Variants in DLGAP2 observed in about 807,000 individuals in gnomAD.
The protein encoded by DLGAP2 is DLG associated protein 2, also known as disks large-associated protein 2.
DLGAP2 carries 26 observed loss-of-function variants against 100.3 expected under a neutral mutation model. The ratio of observed to expected loss-of-function variants is 0.26; its 90% CI spans 0.19 to 0.36. DLGAP2 has a LOEUF of 0.36. Ranked by LOEUF, DLGAP2 falls within the 10% of genes least tolerant of loss-of-function variation. DLGAP2 has a pLI of 1.00. For missense variants in DLGAP2, 1,858 were observed against 1,453.2 expected (o/e 1.28, Z -4.53); for synonymous variants, 886 against 630.1 (o/e 1.41, Z -6.08).
At chr8:1,284,238 A>G (rs1799877839) in intron 3 of DLGAP2, among the ~76,000 whole-genome samples, 1 of 152,160 alleles carries the variant, frequency 6.6e-6, no homozygotes, top group Non-Finnish European at 1.5e-5. Context: ...GCAGGCTTAC[A>G]TTTCCAGGAG....
At chr8:993,627 T>C (rs1800693043) in intron 2 of DLGAP2, among the ~76,000 whole-genome samples, 1 of 152,094 alleles carries the variant, frequency 6.6e-6, no homozygotes, top group Admixed American at 6.6e-5. Context: ...GTATCCTTTC[T>C]CCTGTATCAA....
intron 2 of DLGAP2, among the ~76,000 whole-genome samples, chr8:1,104,587 G>A (rs1025697553): frequency 3.3e-5 from 5 of 152,272 alleles, no homozygotes; most frequent in East Asian, 1.9e-4. Context: ...TAGCCTGGCC[G>A]AGGCGTTTGC....
At chr8:745,805 G>A (rs914830142) in intron 1 of DLGAP2, among the ~76,000 whole-genome samples, 8 of 152,156 alleles carry the variant, frequency 5.3e-5, no homozygotes, top group Middle Eastern at 3.2e-3. Flanking sequence ...TAAAGAGAAC[G>A]GACTATAAGA....
intron 2 of DLGAP2, among the ~76,000 whole-genome samples, chr8:994,717 AC>A (rs1375998301): frequency 6.6e-6 from 1 of 152,136 alleles, no homozygotes; most frequent in Non-Finnish European, 1.5e-5. Context: ...TCATCATATG[AC>A]TGCTGGGCAT....
chr8:1,683,964 A>G (rs777089554), intron 12 of DLGAP2, among the ~76,000 whole-genome samples: 11,182 of 107,882 alleles, frequency 0.1, 901 homozygotes, highest in South Asian at 0.19. Flanking sequence ...GTATATATAT[A>G]TATATATATA....
At chr8:822,602 C>A (rs955918494) in intron 1 of DLGAP2, among the ~76,000 whole-genome samples, 5 of 152,206 alleles carry the variant, frequency 3.3e-5, no homozygotes, top group Admixed American at 3.3e-4. Flanking sequence ...TGTGCATTCA[C>A]CAAGTGTACG....
At chr8:1,249,545 G>A (rs368030919) in intron 2 of DLGAP2, among the ~76,000 whole-genome samples, 24 of 152,242 alleles carry the variant, frequency 1.6e-4, no homozygotes, top group African/African-American at 3.4e-4. Context: ...TGTTAAAAAC[G>A]AAACTAGAAT....
chr8:1,575,467 A>ATTATTATTATTATTG (rs1802928014), intron 6 of DLGAP2, among the ~76,000 whole-genome samples: 1 of 148,170 alleles, frequency 6.7e-6, no homozygotes, highest in African/African-American at 2.5e-5. Context: ...TATTATTATT[A>ATTATTATTATTATTG]TTATTATTAT....
chr8:1,512,072 G>T (rs908367978), intron 4 of DLGAP2, among the ~76,000 whole-genome samples: 2 of 152,180 alleles, frequency 1.3e-5, no homozygotes, highest in Admixed American at 6.5e-5. Context: ...GCCCTGTGAC[G>T]CATCAGCCCA....
At chr8:1,417,697 C>CGGGGAGCCA (rs376235081) in intron 3 of DLGAP2, among the ~76,000 whole-genome samples, 1 of 76,748 alleles carries the variant, frequency 1.3e-5, no homozygotes, top group Non-Finnish European at 3.2e-5. Context: ...ACAGGGGGCC[C>CGGGGAGCCA]CACTCCTGCC....
At chr8:1,459,976 G>T (rs542306167) in intron 3 of DLGAP2, among the ~76,000 whole-genome samples, 1 of 152,158 alleles carries the variant, frequency 6.6e-6, no homozygotes. Flanking sequence ...AGAGGTTCGG[G>T]ACCTCGGGTG....
chr8:1,368,915 A>G (rs562591319), intron 3 of DLGAP2: 1 of 152,282 alleles, frequency 6.6e-6, no homozygotes, highest in East Asian at 1.9e-4. Context: ...TTCCTGTAAT[A>G]CAGCATCCAC....
At chr8:1,008,956 C>T (rs568961919) in intron 2 of DLGAP2, among the ~76,000 whole-genome samples, 9 of 152,370 alleles carry the variant, frequency 5.9e-5, no homozygotes, top group African/African-American at 1.9e-4. Context: ...CCCAGAGGCT[C>T]CTGGGTATGC....
intron 1 of DLGAP2, among the ~76,000 whole-genome samples, chr8:844,854 G>A (rs990027612): frequency 6.6e-6 from 1 of 151,976 alleles, no homozygotes; most frequent in African/African-American, 2.4e-5. Flanking sequence ...CCCAGGCCAG[G>A]CCTGGCCACC....
chr8:771,890 C>T (rs1482746194), intron 1 of DLGAP2, among the ~76,000 whole-genome samples: 2 of 152,176 alleles, frequency 1.3e-5, no homozygotes, highest in Non-Finnish European at 2.9e-5. Flanking sequence ...ATTCTAGGCT[C>T]ATCTGCAATT....
intron 8 of DLGAP2, among the ~76,000 whole-genome samples, chr8:1,640,430 A>T (rs1200791404): frequency 8.5e-5 from 13 of 152,170 alleles, no homozygotes; most frequent in Admixed American, 8.5e-4. Context: ...AATGCCAGAA[A>T]CCTGGCAACA....
At chr8:1,668,749 A>T in intron 9 of DLGAP2, 71 bp downstream of exon 9, 3 of 1,365,146 alleles carry the variant, frequency 2.2e-6, no homozygotes, top group Non-Finnish European at 1.9e-6. Context: ...ATAAGCCAAA[A>T]CCCAACCAGC....
At chr8:824,211 C>T (rs1563050958) in intron 1 of DLGAP2, among the ~76,000 whole-genome samples, 1 of 151,884 alleles carries the variant, frequency 6.6e-6, no homozygotes, top group African/African-American at 2.4e-5. Context: ...AGTAGCTGGG[C>T]CTATAAGTAC....
Position 907,908 on chromosome 8 carries a change from A to G in DLGAP2, c.19-4A>G. ...ATGTATTTTATTTATTTGTTTTAAA[A>G]CAGGTTTTGCCTGGCATTCTGCAGA... On this transcript the variant is annotated splice_region_variant and splice_polypyrimidine_tract_variant and intron_variant, in intron 1 of 14. Transcript: ENST00000637795. The G allele has an allele frequency of 2.5e-6, 1 of 398,942 alleles. No individual in the cohort carries two copies. Among genetic ancestry groups the G allele is most frequent in the Non-Finnish European group, 4.4e-6 (1 of 226,056 alleles). The allele number at this position is 398,942 out of a possible 1,614,324, so 24.7% of individuals were successfully genotyped here.
Sources: gnomAD v4.1 joint callset for allele counts (sites outside exome capture counted in the v4.1 genomes callset) on GRCh38, gnomAD v4.1.1 for gene constraint, MANE v1.5 for transcripts, NCBI Gene and HGNC (gene_info 2026-07-23, HGNC 2026-07-21) for gene names.